ZNF385D: variants seen among roughly 807,000 people sequenced by gnomAD.
ZNF385D encodes the protein zinc finger protein 659.
ZNF385D carries 15 observed loss-of-function variants against 35.8 expected under a neutral mutation model. That is an observed-to-expected ratio of 0.42 (90% CI 0.28 to 0.64). The LOEUF (loss-of-function observed/expected upper bound fraction) is 0.64, where lower values mean the gene tolerates loss of function less well. ZNF385D is among the 30% of genes least tolerant of loss of function. ZNF385D has a pLI of 0.23. For missense variants in ZNF385D, 474 were observed against 494.6 expected (o/e 0.96, Z 0.39); for synonymous variants, 212 against 186.8 (o/e 1.13, Z -1.10).
At chr3:21,930,629 G>A (rs1363238471) in intron 3 of ZNF385D, among the ~76,000 whole-genome samples, 1 of 152,084 alleles carries the variant, frequency 6.6e-6, no homozygotes, top group Non-Finnish European at 1.5e-5. Context: ...AATGGCATAA[G>A]GAAAGGCAGT....
At position 21,769,095 on chromosome 3, in the gene ZNF385D, A is replaced by T. The variant is rs142271537; in HGVS notation, c.326-104067T>A. 1.6e-4 allele frequency among the ~76,000 whole-genome samples: 25 copies of T among 152,016 alleles called. No homozygotes were observed. In the East Asian group the frequency reaches 4.9e-3, roughly 30 times the overall value. On this transcript the variant is annotated intron_variant, in intron 3 of 5. Transcript: ENST00000494108. Reference sequence around the variant, plus strand: ...CATGAAGGGCTGTTGAATTTTGTCAAAGGCCCTTTCTGCATCTATTGAGAT... The same window carrying T: ...CATGAAGGGCTGTTGAATTTTGTCATAGGCCCTTTCTGCATCTATTGAGAT...
At chr3:22,049,029 G>T (rs1699182347) in intron 3 of ZNF385D, among the ~76,000 whole-genome samples, 1 of 152,042 alleles carries the variant, frequency 6.6e-6, no homozygotes, top group Non-Finnish European at 1.5e-5. Flanking sequence ...GGGCGTAGTG[G>T]CTCAGGCCTG....
chr3:22,223,697 G>A (rs138513700), intron 2 of ZNF385D, among the ~76,000 whole-genome samples: 315 of 152,194 alleles, frequency 2.1e-3, no homozygotes, highest in African/African-American at 7.4e-3. Flanking sequence ...AGATGCACAA[G>A]ACAAAGAAAC....
chr3:21,689,698 C>A (rs185423473), intron 1 of ZNF385D, among the ~76,000 whole-genome samples: 1 of 152,048 alleles, frequency 6.6e-6, no homozygotes, highest in Non-Finnish European at 1.5e-5. Context: ...AGCAGTGATT[C>A]TCAGACATCA....
intron 3 of ZNF385D, among the ~76,000 whole-genome samples, chr3:21,981,790 G>C (rs1477439731): frequency 6.6e-6 from 1 of 152,154 alleles, no homozygotes; most frequent in Non-Finnish European, 1.5e-5. Flanking sequence ...TGGCTAGTCA[G>C]TTTTCCCAGC....
At chr3:21,766,945 T>C (rs2070854702) in intron 3 of ZNF385D, among the ~76,000 whole-genome samples, 1 of 152,068 alleles carries the variant, frequency 6.6e-6, no homozygotes, top group African/African-American at 2.4e-5. Flanking sequence ...AATCCGACAC[T>C]TGACTCAAGT....
At chr3:22,251,198 G>C (rs1240296039) in intron 2 of ZNF385D, among the ~76,000 whole-genome samples, 2 of 152,112 alleles carry the variant, frequency 1.3e-5, no homozygotes, top group Non-Finnish European at 2.9e-5. Context: ...ATGTTTTAAA[G>C]TAGACGTGAA....
intron 2 of ZNF385D, among the ~76,000 whole-genome samples, chr3:22,246,385 A>G (rs894661057): frequency 4.6e-5 from 7 of 152,116 alleles, no homozygotes; most frequent in African/African-American, 1.4e-4. Context: ...TGTTATGAAT[A>G]CCTTACTCAA....
At chr3:21,446,547 G>A (rs1702165001) in intron 4 of ZNF385D, among the ~76,000 whole-genome samples, 1 of 136,646 alleles carries the variant, frequency 7.3e-6, no homozygotes, top group African/African-American at 2.9e-5. Context: ...AGGCTGGAGT[G>A]CGGTGGCACC....
chr3:21,999,137 A>G (rs1695675643), intron 3 of ZNF385D, among the ~76,000 whole-genome samples: 1 of 152,204 alleles, frequency 6.6e-6, no homozygotes, highest in Non-Finnish European at 1.5e-5. Flanking sequence ...AGTCAGGTTC[A>G]CAGAACTGCA....
At chr3:21,851,664 A>G (rs1241875121) in intron 3 of ZNF385D, among the ~76,000 whole-genome samples, 1 of 152,070 alleles carries the variant, frequency 6.6e-6, no homozygotes, top group Non-Finnish European at 1.5e-5. Flanking sequence ...GCTGATTAAA[A>G]GAACATAAAA....
At chr3:22,013,516 G>C (rs1306073154) in intron 3 of ZNF385D, among the ~76,000 whole-genome samples, 1 of 152,040 alleles carries the variant, frequency 6.6e-6, no homozygotes, top group Non-Finnish European at 1.5e-5. Context: ...TTCGGTTGGT[G>C]TCTCCAAATA....
chr3:21,738,325 T>C (rs2125513816), intron 1 of ZNF385D, among the ~76,000 whole-genome samples: 1 of 152,348 alleles, frequency 6.6e-6, no homozygotes, highest in South Asian at 2.1e-4. Flanking sequence ...ATGATCTGAC[T>C]TGGCCACTGA....
At chr3:22,215,951 C>T (rs1225318887) in intron 2 of ZNF385D, among the ~76,000 whole-genome samples, 2 of 151,916 alleles carry the variant, frequency 1.3e-5, no homozygotes, top group East Asian at 1.9e-4. Context: ...TGTGAAATAT[C>T]GGGGGTGAAT....
chr3:21,989,579 G>A (rs1045705452), intron 3 of ZNF385D, among the ~76,000 whole-genome samples: 1 of 152,022 alleles, frequency 6.6e-6, no homozygotes, highest in African/African-American at 2.4e-5. Flanking sequence ...GGCTTTAAAT[G>A]TCTTACACAA....
At chr3:22,304,208 C>T (rs1007284011) in intron 2 of ZNF385D, among the ~76,000 whole-genome samples, 3 of 152,068 alleles carry the variant, frequency 2.0e-5, no homozygotes, top group African/African-American at 7.2e-5. Context: ...TAAAGAATAT[C>T]CCTGTATGCA....
At chr3:21,512,410 A>C (rs913744527) in intron 3 of ZNF385D, among the ~76,000 whole-genome samples, 1 of 152,148 alleles carries the variant, frequency 6.6e-6, no homozygotes, top group Non-Finnish European at 1.5e-5. Flanking sequence ...TCACTTTGCC[A>C]AAAAATAATA....
Position 21,796,765 on chromosome 3 carries a change from G to A in ZNF385D, c.326-131737C>T, listed in dbSNP as rs141184709. Among the ~76,000 whole-genome samples, 16 of 152,304 alleles carry A rather than the reference G, an allele frequency of 1.1e-4. No homozygotes were observed. In the East Asian group the frequency reaches 2.9e-3, roughly 28 times the overall value. On this transcript the variant is annotated intron_variant, in intron 3 of 5. Transcript: ENST00000494108. ...GCTCAAAGAGTGACTTACTCAAGGT[G>A]ACACATCTAGTTAGTGCCAGAGCTA...
At chr3:21,708,906 C>T (rs1000468049) in intron 1 of ZNF385D, among the ~76,000 whole-genome samples, 17 of 151,898 alleles carry the variant, frequency 1.1e-4, no homozygotes, top group Non-Finnish European at 2.2e-4. Context: ...CAATAATATA[C>T]TGATCTTAAT....
Sources: allele counts gnomAD v4.1 joint callset (sites outside exome capture counted in the v4.1 genomes callset), GRCh38; gene constraint gnomAD v4.1.1; transcripts MANE v1.5; gene names NCBI Gene and HGNC (gene_info 2026-07-23, HGNC 2026-07-21).